RBL2: variants seen among roughly 807,000 people sequenced by gnomAD.
RBL2 encodes retinoblastoma-like protein 2.
RBL2 carries 56 observed loss-of-function variants against 126.0 expected under a neutral mutation model. The ratio of observed to expected loss-of-function variants is 0.44; its 90% confidence interval spans 0.36 to 0.56. The LOEUF (loss-of-function observed/expected upper bound fraction) is 0.56. Among genes scored for constraint, RBL2 ranks in the 20% least tolerant of loss-of-function variants. The pLI, the probability that RBL2 is intolerant of heterozygous loss-of-function variation, is 0.00. For missense variants in RBL2, 1,229 were observed against 1,398.2 expected (o/e 0.88, Z 1.93); for synonymous variants, 454 against 478.5 (o/e 0.95, Z 0.67).
At chr16:53,458,402 A>G (rs1305426237) in intron 8 of RBL2, among the ~76,000 whole-genome samples, 2 of 152,212 alleles carry the variant, frequency 1.3e-5, no homozygotes, top group African/African-American at 4.8e-5. Flanking sequence ...CTCCATATTT[A>G]TTGTCAAGAA....
intron 1 of RBL2, chr16:53,435,782 G>C (rs1249733862): frequency 8.0e-7 from 1 of 1,242,928 alleles, no homozygotes; most frequent in Admixed American, 2.4e-5. Context: ...TATGTGTACT[G>C]ATGAGTGAGG....
In RBL2 at chr16:53,465,296, C is replaced by T. The variant is rs1005866333; in HGVS notation, c.1699-142C>T. 1.5e-5 allele frequency: 8 copies of T among 533,712 alleles called. No individual in the cohort carries two copies. The African/African-American group carries it at 1.6e-4, about 11-fold the overall frequency. 33.1% of individuals were successfully genotyped at this position (533,712 alleles called of 1,614,324 possible). A position where few individuals can be genotyped will look rare whatever the true frequency, so the allele number is the denominator to read the frequency against. On this transcript the variant is annotated intron_variant, in intron 12 of 21. Coordinates refer to ENST00000262133, the MANE Select transcript of RBL2 (RefSeq NM_005611.4). ...CATTTTATATAATTCATAGTTTGAACTATAATTATTTACAAAGACAGTAAA... is the reference window on the plus strand; with the variant it reads ...CATTTTATATAATTCATAGTTTGAATTATAATTATTTACAAAGACAGTAAA...
Position 53,439,011 on chromosome 16 carries a change from T to C in RBL2, c.241-5T>C. 1 of 1,550,542 alleles carries C rather than the reference T, an allele frequency of 6.4e-7. No homozygotes were observed. Among genetic ancestry groups the C allele is most frequent in the Non-Finnish European group, 8.7e-7 (1 of 1,152,406 alleles). On this transcript the variant is annotated splice_polypyrimidine_tract_variant and splice_region_variant and intron_variant, in intron 1 of 21. Coordinates refer to ENST00000262133, the MANE Select transcript of RBL2 (RefSeq NM_005611.4). ...ACTAAAAATCAATTTTCTTTTCTTT[T>C]ACAGGGAAATGATCTTCATTGGTTA...
intron 17 of RBL2, among the ~76,000 whole-genome samples, chr16:53,471,252 G>C (rs1225493573): frequency 6.6e-6 from 1 of 152,078 alleles, no homozygotes; most frequent in East Asian, 1.9e-4. Flanking sequence ...CATTTCTCTA[G>C]GGTATATACC....
chr16:53,465,427 T>C lies in RBL2; in HGVS notation c.1699-11T>C. On this transcript the variant is annotated splice_polypyrimidine_tract_variant and intron_variant, in intron 12 of 21. Transcript: ENST00000262133. ...TAATTATTCAGTGAACCAAGACATT[T>C]TTTATTTCAGGTGATAGAAGTATTC... is the stretch of plus-strand genomic sequence containing the variant. The C allele has an allele frequency of 7.2e-7, 1 of 1,386,534 alleles. No homozygotes were observed. Among genetic ancestry groups the C allele is most frequent in the Non-Finnish European group, 9.4e-7 (1 of 1,059,676 alleles). The allele number at this position is 1,386,534 out of a possible 1,614,324, so 85.9% of individuals were successfully genotyped here.
rs751671921 is a variant in RBL2, at chr16:53,481,700, A to T, written c.3114A>T (p.Pro1038=). ...NMDAPPLSPY[P]FVRTGSPRRI... is the part of the protein sequence containing the mutation. ...ATGCTCCTCCACTCTCTCCCTATCC[A>T]TTTGTAAGAACAGGCTCCCCTCGCC... The change falls in exon 21 of 22, where the codon CCA becomes CCT. Residue 1038 remains proline, a synonymous_variant. Transcript: ENST00000262133. 6.2e-7 allele frequency: 1 copy of T among 1,612,118 alleles called. No homozygotes were observed. The highest frequency in any genetic ancestry group is 1.3e-5 in the African/African-American group (1 of 74,692).
chr16:53,450,988 G>A (rs867937636), intron 4 of RBL2, among the ~76,000 whole-genome samples: 6 of 151,694 alleles, frequency 4.0e-5, no homozygotes, highest in Admixed American at 6.6e-5. Context: ...TATTTTTTCG[G>A]CTGTCTCCTA....
At position 53,491,139 on chromosome 16, in the gene RBL2, TTA is replaced by T. The variant is rs1258882727; in HGVS notation, c.*844_*845del. The T allele has an allele frequency of 1.4e-4, 22 of 152,508 alleles. No individual in the cohort carries two copies. The highest frequency in any genetic ancestry group is 1.4e-3 in the Admixed American group (22 of 15,280). The allele number at this position is 152,508 out of a possible 1,614,324, so 9.4% of individuals were successfully genotyped here. A position where few individuals can be genotyped will look rare whatever the true frequency, so the allele number is the denominator to read the frequency against. ...ATGTTTTAAATTCTCCAGTTTTTTGTTATATAGGGATCAACCAGCTAAGAAAA... is the reference window on the plus strand; with the variant it reads ...ATGTTTTAAATTCTCCAGTTTTTTGTTATAGGGATCAACCAGCTAAGAAAA... On this transcript the variant is annotated 3_prime_UTR_variant, in exon 22 of 22. Coordinates refer to ENST00000262133, the MANE Select transcript of RBL2 (RefSeq NM_005611.4).
intron 17 of RBL2, among the ~76,000 whole-genome samples, chr16:53,478,693 C>T (rs1259652673): frequency 6.6e-6 from 1 of 152,148 alleles, no homozygotes. Flanking sequence ...TCAATCTCAG[C>T]TCACTGCAAC....
chr16:53,486,151 G>A (rs964173965), intron 21 of RBL2, among the ~76,000 whole-genome samples: 1 of 147,524 alleles, frequency 6.8e-6, no homozygotes, highest in Non-Finnish European at 1.5e-5. Flanking sequence ...AAAAAGCCAG[G>A]TGTGGTGGGG....
chr16:53,450,260 A>G (rs1299255503), intron 4 of RBL2, among the ~76,000 whole-genome samples: 2 of 152,190 alleles, frequency 1.3e-5, no homozygotes, highest in East Asian at 3.8e-4. Context: ...TCTATACAAA[A>G]AAAGAATTGC....
intron 1 of RBL2, among the ~76,000 whole-genome samples, chr16:53,436,778 A>G (rs1352049835): frequency 6.6e-6 from 1 of 152,216 alleles, no homozygotes; most frequent in Non-Finnish European, 1.5e-5. Context: ...TGTTATAGCT[A>G]CTGTATGGCA....
chr16:53,465,058 G>C (rs558222305), intron 12 of RBL2, among the ~76,000 whole-genome samples: 1 of 152,340 alleles, frequency 6.6e-6, no homozygotes, highest in East Asian at 1.9e-4. Flanking sequence ...CCCCCAGAGT[G>C]CTGGGATTAC....
At chr16:53,454,342 A>T (rs992113576) in intron 7 of RBL2, 2 of 375,766 alleles carry the variant, frequency 5.3e-6, no homozygotes, top group South Asian at 3.9e-5. Flanking sequence ...GTAGCTGTGA[A>T]TACAGGCACG....
At position 53,464,918 on chromosome 16, in the gene RBL2, C is replaced by T. The variant is rs930218235; in HGVS notation, c.1699-520C>T. The T allele has an allele frequency of 3.3e-5, 5 of 152,490 alleles. No individual in the cohort carries two copies. In the East Asian group the frequency reaches 5.8e-4, roughly 18 times the overall value. The allele number at this position is 152,490 out of a possible 1,614,324, so 9.4% of individuals were successfully genotyped here. A position where few individuals can be genotyped will look rare whatever the true frequency, so the allele number is the denominator to read the frequency against. ...ACGCCATTCTCCTGCCTCAGCCTGC[C>T]GAGTAGCTGGGACTACAGGCGGCCG... On this transcript the variant is annotated intron_variant, in intron 12 of 21. Transcript: ENST00000262133.
chr16:53,482,200 G>C (rs1018856517), intron 21 of RBL2, among the ~76,000 whole-genome samples: 1 of 152,212 alleles, frequency 6.6e-6, no homozygotes, highest in African/African-American at 2.4e-5. Context: ...GGGACAGGCA[G>C]TGTCCTCAGG....
chr16:53,482,896 G>A (rs575590300), intron 21 of RBL2, among the ~76,000 whole-genome samples: 1 of 151,994 alleles, frequency 6.6e-6, no homozygotes, highest in Non-Finnish European at 1.5e-5. Context: ...TATGGTAAGA[G>A]GACGGGGAAG....
Position 53,442,784 on chromosome 16 carries a change from T to C in RBL2, c.498T>C (p.Tyr166=), listed in dbSNP as rs1333046575. 1 of 1,613,762 alleles carries C rather than the reference T, an allele frequency of 6.2e-7. No homozygotes were observed. The highest frequency in any genetic ancestry group is 1.7e-5 in the Admixed American group (1 of 60,026). The change falls in exon 3 of 22, where the codon TAT becomes TAC. Residue 166 remains tyrosine (Y), a synonymous_variant. Transcript: ENST00000262133. ...FTVSAVIFKK[Y]EPIFQDIFKY... ...TTTCTGCTGTAATTTTTAAGAAATA[T>C]GAACCCATTTTTCAGGACATCTTTA...
chr16:53,485,749 C>G (rs565302031), intron 21 of RBL2, among the ~76,000 whole-genome samples: 1 of 151,682 alleles, frequency 6.6e-6, no homozygotes, highest in East Asian at 1.9e-4. Context: ...CCAGCTACTC[C>G]GGAGGATAAG....
Sources: gnomAD v4.1 joint callset for allele counts (sites outside exome capture counted in the v4.1 genomes callset) on GRCh38, gnomAD v4.1.1 for gene constraint, MANE v1.5 for transcripts, NCBI Gene and HGNC (gene_info 2026-07-23, HGNC 2026-07-21) for gene names.